PLEKHD1: variants seen among roughly 807,000 people sequenced by gnomAD.
PLEKHD1 encodes pleckstrin homology and coiled-coil domain containing D1.
In PLEKHD1, 51 loss-of-function variants were observed where a neutral mutation model predicts 69.2. That is an observed-to-expected ratio of 0.74 (90% CI 0.59 to 0.93). The LOEUF (loss-of-function observed/expected upper bound fraction) is 0.93. Among genes scored for constraint, PLEKHD1 ranks in the 40% least tolerant of loss-of-function variants. The pLI, the probability that PLEKHD1 is intolerant of heterozygous loss-of-function variation, is 0.00. For synonymous variants in PLEKHD1, 236 were observed against 244.7 expected, an observed-to-expected ratio of 0.96 and a Z score of 0.33; for missense variants, 584 against 641.0, an observed-to-expected ratio of 0.91 and a Z score of 0.96.
At chr14:69,475,692 C>T in the PLEKHD1 span, among the ~76,000 whole-genome samples, 45 of 152,254 alleles carry the variant, frequency 3.0e-4, no homozygotes, top group African/African-American at 1.0e-3. Flanking sequence ...ACAGGGGCCC[C>T]GGGGGACCCT....
chr14:69,483,629 A>G (rs1882587153), upstream of PLEKHD1, among the ~76,000 whole-genome samples: 2 of 152,240 alleles, frequency 1.3e-5, no homozygotes, highest in African/African-American at 4.8e-5. Context: ...CTCAATTTAA[A>G]AACTTGGGGC....
At chr14:69,525,835 A>C (rs1185863471) in intron 8 of PLEKHD1, 109 bp from the exon 9 acceptor site, 2 of 1,035,602 alleles carry the variant, frequency 1.9e-6, no homozygotes, top group African/African-American at 3.3e-5. Flanking sequence ...GCGGCCATAG[A>C]GGACTGAGAG....
At chr14:69,486,472 T>C (rs1003364944) in intron 1 of PLEKHD1, among the ~76,000 whole-genome samples, 4 of 152,222 alleles carry the variant, frequency 2.6e-5, no homozygotes, top group East Asian at 3.9e-4. Flanking sequence ...TGGAGTGTAT[T>C]TGGGGAGCTT....
chr14:69,475,584 T>C, the PLEKHD1 span, among the ~76,000 whole-genome samples: 107 of 152,270 alleles, frequency 7.0e-4, no homozygotes, highest in South Asian at 0.022. Flanking sequence ...ACACAGCCCA[T>C]CTAGTCTAGT....
At chr14:69,505,569 CTG>C (rs963303430) in intron 6 of PLEKHD1, among the ~76,000 whole-genome samples, 11 of 152,290 alleles carry the variant, frequency 7.2e-5, no homozygotes, top group Non-Finnish European at 1.3e-4. Context: ...CTATCACTGA[CTG>C]TGTGATGTTG....
intron 2 of PLEKHD1, 138 bp from the exon 3 acceptor site, chr14:69,500,439 G>A: frequency 1.4e-6 from 1 of 730,018 alleles, no homozygotes. Context: ...ATCAGTTCTG[G>A]CCTCTGTCCC....
rs772676949 is a variant in PLEKHD1 at position 69,526,765 on chromosome 14, A to T, written c.992A>T (p.Gln331Leu). Residue 331 changes from glutamine to leucine, a missense_variant, in exon 10 of 13, where the codon CAG (glutamine) becomes CTG (leucine). Transcript: ENST00000322564. The stretch of plus-strand genomic sequence containing the variant: ...CGTGAGTTCTACTCCAGCCAGTCCC[A>T]GGCACTGCAGAACTCGCTGCAGGAG... ...EEREFYSSQS[Q>L]ALQNSLQELT... 2.6e-6 allele frequency: 4 copies of T among 1,550,446 alleles called. No individual in the cohort carries two copies. The highest frequency in any genetic ancestry group is 3.5e-6 in the Non-Finnish European group (4 of 1,146,560).
intron 1 of PLEKHD1, among the ~76,000 whole-genome samples, chr14:69,491,813 T>C (rs538788906): frequency 6.6e-6 from 1 of 152,362 alleles, no homozygotes; most frequent in African/African-American, 2.4e-5. Flanking sequence ...TTGGATTCCC[T>C]AATTCATATT....
At chr14:69,488,428 C>G (rs888016481) in intron 1 of PLEKHD1, among the ~76,000 whole-genome samples, 3 of 152,106 alleles carry the variant, frequency 2.0e-5, no homozygotes, top group Non-Finnish European at 2.9e-5. Flanking sequence ...CCCTGGTGAC[C>G]CTGGGGTTTG....
the PLEKHD1 span, among the ~76,000 whole-genome samples, chr14:69,472,009 C>T: frequency 6.6e-6 from 1 of 152,166 alleles, no homozygotes; most frequent in Non-Finnish European, 1.5e-5. Context: ...CACGTTTTTA[C>T]ACAGTCACAC....
chr14:69,500,269 C>T, intron 2 of PLEKHD1, 61 bp downstream of exon 2: 2 of 1,347,562 alleles, frequency 1.5e-6, no homozygotes, highest in Non-Finnish European at 2.1e-6. Flanking sequence ...TCAGAGCTTG[C>T]ATCTTGTGAG....
intron 1 of PLEKHD1, among the ~76,000 whole-genome samples, chr14:69,499,799 G>A (rs4899297): frequency 0.098 from 14,997 of 152,302 alleles, 954 homozygotes; most frequent in South Asian, 0.14. Context: ...AGGTGTCCAA[G>A]GGGAAGAACC....
intron 1 of PLEKHD1, among the ~76,000 whole-genome samples, chr14:69,489,812 C>T (rs898241153): frequency 6.6e-6 from 1 of 152,100 alleles, no homozygotes; most frequent in Non-Finnish European, 1.5e-5. Flanking sequence ...AGCTCCAAGA[C>T]TCCCCACCCA....
intron 1 of PLEKHD1, among the ~76,000 whole-genome samples, chr14:69,490,928 G>A (rs966617991): frequency 2.0e-5 from 3 of 152,294 alleles, no homozygotes; most frequent in East Asian, 1.9e-4. Context: ...GTTTGTGCCC[G>A]GGGAAGAGGG....
chr14:69,493,835 G>T (rs190109883), intron 1 of PLEKHD1, among the ~76,000 whole-genome samples: 2 of 152,252 alleles, frequency 1.3e-5, no homozygotes, highest in African/African-American at 4.8e-5. Flanking sequence ...AATGCTCCGG[G>T]CTTCACCCCA....
Position 69,501,070 on chromosome 14 carries a change from G to A in PLEKHD1, c.410+123G>A. 2.9e-6 allele frequency: 3 copies of A among 1,035,536 alleles called. No homozygotes were observed. The Admixed American group carries it at 6.0e-5, about 21-fold the overall frequency. 64.1% of individuals were successfully genotyped at this position (1,035,536 alleles called of 1,614,324 possible). A position where few individuals can be genotyped will look rare whatever the true frequency, so the allele number is the denominator to read the frequency against. Reference sequence around the variant, plus strand: ...CACAGGGCCAGGGCTGTGGGAGATGGCTAGGGTAGGGGAGAGCAGACAGGC... The same window carrying A: ...CACAGGGCCAGGGCTGTGGGAGATGACTAGGGTAGGGGAGAGCAGACAGGC... On this transcript the variant is annotated intron_variant, in intron 4 of 12. Coordinates refer to ENST00000322564, the MANE Select transcript of PLEKHD1 (RefSeq NM_001161498.2).
At chr14:69,492,421 T>C (rs1460138451) in intron 1 of PLEKHD1, among the ~76,000 whole-genome samples, 1 of 152,214 alleles carries the variant, frequency 6.6e-6, no homozygotes, top group Non-Finnish European at 1.5e-5. Context: ...AATGTTGCAA[T>C]ATATTGTGGC....
At chr14:69,503,863 CAAAAAAAAAAAAA>C (rs35831952) in intron 6 of PLEKHD1, among the ~76,000 whole-genome samples, 1 of 39,138 alleles carries the variant, frequency 2.6e-5, no homozygotes, top group South Asian at 1.1e-3. Flanking sequence ...GACTCCGTCT[CAAAAAAAAAAAAA>C]AAAAAAAAAA....
In PLEKHD1 at chr14:69,503,305, G is replaced by A. The variant is rs116130836; in HGVS notation, c.555+426G>A. 8.0e-3 allele frequency: 1,852 copies of A among 230,180 alleles called. 37 individuals carry two copies. Among genetic ancestry groups the A allele is most frequent in the African/African-American group, 0.04 (1,773 of 44,360 alleles). 14.3% of individuals were successfully genotyped at this position (230,180 alleles called of 1,614,324 possible). On this transcript the variant is annotated intron_variant, in intron 6 of 12. Transcript: ENST00000322564. ...TCTGAATGTCAAAAGTCCACAGCAG[G>A]CTAAGCACTGGCTTGAGGCAGACTG...
Sources: gnomAD v4.1 joint callset for allele counts (sites outside exome capture counted in the v4.1 genomes callset) on GRCh38, gnomAD v4.1.1 for gene constraint, MANE v1.5 for transcripts, NCBI Gene and HGNC (gene_info 2026-07-23, HGNC 2026-07-21) for gene names.